ASXL1: variants seen among roughly 807,000 people sequenced by gnomAD.
ASXL1 encodes the protein polycomb group protein ASXL1.
In ASXL1, 65 loss-of-function variants were observed where a neutral mutation model predicts 89.1. That is an observed-to-expected ratio of 0.73 (90% CI 0.60 to 0.90). The LOEUF (loss-of-function observed/expected upper bound fraction) is 0.90. ASXL1 is among the 40% of genes least tolerant of loss of function. The pLI is 0.00. For synonymous variants in ASXL1, 739 were observed against 746.9 expected, an observed-to-expected ratio of 0.99 and a Z score of 0.17; for missense variants, 1,786 against 1,942.9, an observed-to-expected ratio of 0.92 and a Z score of 1.52.
intron 4 of ASXL1, among the ~76,000 whole-genome samples, chr20:32,396,046 G>A (rs201886395): frequency 6.6e-6 from 1 of 152,134 alleles, no homozygotes; most frequent in East Asian, 1.9e-4. Flanking sequence ...TGATCCACCT[G>A]CCTCAGCCTC....
intron 4 of ASXL1, among the ~76,000 whole-genome samples, chr20:32,421,072 G>A (rs1199551114): frequency 6.6e-6 from 1 of 151,114 alleles, no homozygotes; most frequent in Non-Finnish European, 1.5e-5. Flanking sequence ...CTGTTGGGGG[G>A]TGGGGGGAAA....
intron 1 of ASXL1, chr20:32,359,695 A>C: frequency 1.4e-6 from 1 of 717,926 alleles, no homozygotes; most frequent in Non-Finnish European, 2.6e-6. Flanking sequence ...TTCACTGAGG[A>C]TTTAGCAAGG....
chr20:32,399,634 C>T (rs1463317909), intron 4 of ASXL1, among the ~76,000 whole-genome samples: 1 of 149,806 alleles, frequency 6.7e-6, no homozygotes, highest in Non-Finnish European at 1.5e-5. Flanking sequence ...TTGTTTTAAC[C>T]TGTGTTTTAT....
chr20:32,370,971 A>AAC (rs2048292244), intron 4 of ASXL1, among the ~76,000 whole-genome samples: 2 of 149,924 alleles, frequency 1.3e-5, no homozygotes, highest in South Asian at 4.2e-4. Flanking sequence ...CTATTAAAAA[A>AAC]AAAAAAAAAA....
chr20:32,398,603 G>GTTTTTTTTTTTTGTTTTTT (rs375341392), intron 4 of ASXL1, among the ~76,000 whole-genome samples: 3 of 126,450 alleles, frequency 2.4e-5, no homozygotes, highest in Non-Finnish European at 3.2e-5. Context: ...TTTTTTGTTT[G>GTTTTTTTTTTTTGTTTTTT]TTTTTTTTTT....
intron 4 of ASXL1, among the ~76,000 whole-genome samples, chr20:32,398,671 G>A (rs1453257533): frequency 1.4e-5 from 2 of 146,208 alleles, no homozygotes; most frequent in African/African-American, 2.5e-5. Context: ...GTGCAGTGGC[G>A]GGATCTCGGC....
Position 32,436,828 on chromosome 20 carries a change from T to A in ASXL1, c.4116T>A (p.Thr1372=). 1 of 1,614,138 alleles carries A rather than the reference T, an allele frequency of 6.2e-7. No individual in the cohort carries two copies. Among genetic ancestry groups the A allele is most frequent in the South Asian group, 1.1e-5 (1 of 91,084 alleles). The change falls in exon 13 of 13, where the codon ACT becomes ACA. Residue 1372 remains threonine (T), a synonymous_variant. Transcript: ENST00000375687. ...TTGGCAGCGTCAAGAATGAGAAGAC[T>A]TTTGTGGGGGGTCCTCTTAAGGCAA... ...AFVGSVKNEK[T]FVGGPLKANA...
At chr20:32,377,140 A>G (rs1480088309) in intron 4 of ASXL1, among the ~76,000 whole-genome samples, 1 of 143,718 alleles carries the variant, frequency 7.0e-6, no homozygotes, top group Admixed American at 7.3e-5. Context: ...AATATATATT[A>G]TATATTATAC....
intron 4 of ASXL1, among the ~76,000 whole-genome samples, chr20:32,400,653 C>G (rs2123051228): frequency 6.6e-6 from 1 of 152,276 alleles, no homozygotes; most frequent in East Asian, 1.9e-4. Context: ...GTGAGTACCT[C>G]TCTAGATCTC....
At chr20:32,409,334 G>GT (rs1288948040) in intron 4 of ASXL1, among the ~76,000 whole-genome samples, 1 of 152,080 alleles carries the variant, frequency 6.6e-6, no homozygotes, top group Non-Finnish European at 1.5e-5. Flanking sequence ...TTGTTTCCCA[G>GT]TTTTTTGCCC....
intron 4 of ASXL1, among the ~76,000 whole-genome samples, chr20:32,415,740 T>C (rs964425619): frequency 3.3e-5 from 5 of 152,198 alleles, no homozygotes; most frequent in African/African-American, 1.2e-4. Context: ...CAGATTTCTG[T>C]TGACATCCCT....
At chr20:32,375,295 A>G (rs572824302) in intron 4 of ASXL1, among the ~76,000 whole-genome samples, 1 of 152,150 alleles carries the variant, frequency 6.6e-6, no homozygotes, top group African/African-American at 2.4e-5. Flanking sequence ...TAAAAATACA[A>G]AAAATTAGCT....
chr20:32,416,124 T>C (rs1419365854), intron 4 of ASXL1, among the ~76,000 whole-genome samples: 1 of 152,206 alleles, frequency 6.6e-6, no homozygotes, highest in Admixed American at 6.5e-5. Flanking sequence ...ACAGGTGATA[T>C]TTTGATACCT....
intron 4 of ASXL1, among the ~76,000 whole-genome samples, chr20:32,381,549 G>C (rs1400971972): frequency 7.3e-6 from 1 of 137,570 alleles, no homozygotes; most frequent in African/African-American, 2.8e-5. Flanking sequence ...GAGTCTCGCT[G>C]TGTCGCCCAG....
intron 6 of ASXL1, chr20:32,428,752 T>C (rs1305281128): frequency 8.5e-4 from 258 of 303,994 alleles, no homozygotes; most frequent in Non-Finnish European, 1.4e-3. Flanking sequence ...CCTCTGCCTC[T>C]GGGGTTCAAG....
intron 1 of ASXL1, chr20:32,359,278 A>G: frequency 1.4e-6 from 1 of 702,382 alleles, no homozygotes; most frequent in Non-Finnish European, 2.6e-6. Flanking sequence ...GGGGTGGAAA[A>G]GCGACCCCAC....
rs777366376 is a variant in ASXL1, at chr20:32,436,830, T to C, written c.4118T>C (p.Phe1373Ser). 2 of 1,614,166 alleles carry C rather than the reference T, an allele frequency of 1.2e-6. No individual in the cohort carries two copies. Among genetic ancestry groups the C allele is most frequent in the African/African-American group, 1.3e-5 (1 of 75,052 alleles). The change falls in exon 13 of 13, where the codon TTT (phenylalanine) becomes TCT (serine). Residue 1373 changes from phenylalanine (F) to serine (S), a missense_variant. Phe to Ser is a radical substitution (Grantham distance 155). Transcript: ENST00000375687. ...GGCAGCGTCAAGAATGAGAAGACTT[T>C]TGTGGGGGGTCCTCTTAAGGCAAAT... is the stretch of plus-strand genomic sequence containing the variant. The part of the protein sequence containing the change: ...FVGSVKNEKT[F>S]VGGPLKANAE...
intron 4 of ASXL1, among the ~76,000 whole-genome samples, chr20:32,405,625 T>C (rs1372724809): frequency 6.6e-6 from 1 of 152,212 alleles, no homozygotes; most frequent in African/African-American, 2.4e-5. Flanking sequence ...TCCTTCATTC[T>C]AGAACAGTTC....
intron 1 of ASXL1, chr20:32,359,580 G>A (rs1459134010): frequency 1.5e-6 from 1 of 671,184 alleles, no homozygotes; most frequent in East Asian, 2.7e-5. Flanking sequence ...TGGGCTGTTT[G>A]CCTTCAGAAG....
Sources: allele counts gnomAD v4.1 joint callset (sites outside exome capture counted in the v4.1 genomes callset), GRCh38; gene constraint gnomAD v4.1.1; transcripts MANE v1.5; gene names NCBI Gene and HGNC (gene_info 2026-07-23, HGNC 2026-07-21).